Variants in FRMD5 observed in about 807,000 individuals in gnomAD.
FRMD5 encodes the protein FERM domain containing 5.
FRMD5 carries 20 observed loss-of-function variants against 69.0 expected under a neutral mutation model. The ratio of observed to expected loss-of-function variants is 0.29; its 90% CI spans 0.20 to 0.42. The LOEUF (loss-of-function observed/expected upper bound fraction) is 0.42. Among genes scored for constraint, FRMD5 ranks in the 10% least tolerant of loss-of-function variants. FRMD5 has a pLI of 1.00. For synonymous variants in FRMD5, 271 were observed against 260.1 expected, an observed-to-expected ratio of 1.04 and a Z score of -0.40; for missense variants, 595 against 708.6, an observed-to-expected ratio of 0.84 and a Z score of 1.82.
At chr15:43,909,464 C>CTGTT (rs953864351) in intron 5 of FRMD5, among the ~76,000 whole-genome samples, 15 of 151,000 alleles carry the variant, frequency 9.9e-5, no homozygotes, top group Middle Eastern at 6.8e-3. Context: ...AAGTTAGATA[C>CTGTT]TGTTTGTTTG....
At chr15:44,177,069 TGA>T (rs2077911230) in intron 1 of FRMD5, among the ~76,000 whole-genome samples, 1 of 151,808 alleles carries the variant, frequency 6.6e-6, no homozygotes, top group Non-Finnish European at 1.5e-5. Flanking sequence ...CCAAAGGGTT[TGA>T]GCACTGTGGA....
chr15:43,973,030 G>GT (rs34726036), intron 1 of FRMD5, among the ~76,000 whole-genome samples: 95 of 149,458 alleles, frequency 6.4e-4, no homozygotes, highest in Middle Eastern at 3.5e-3. Context: ...TGTTTTTCTT[G>GT]TTTTTTTTTT....
intron 2 of FRMD5, among the ~76,000 whole-genome samples, chr15:43,922,552 C>G (rs1411747261): frequency 6.6e-6 from 1 of 152,182 alleles, no homozygotes; most frequent in Non-Finnish European, 1.5e-5. Flanking sequence ...TTCTCTTACT[C>G]TCCTCAAGCA....
chr15:43,994,420 A>C (rs1177489666), intron 1 of FRMD5, among the ~76,000 whole-genome samples: 5 of 152,122 alleles, frequency 3.3e-5, no homozygotes, highest in Admixed American at 3.3e-4. Flanking sequence ...TTGTGTATTC[A>C]TTAATCAATT....
chr15:44,069,910 G>T (rs1012078503), intron 1 of FRMD5, among the ~76,000 whole-genome samples: 1 of 152,092 alleles, frequency 6.6e-6, no homozygotes, highest in Non-Finnish European at 1.5e-5. Context: ...TCAGGTTAAG[G>T]GGGAGGCAAG....
chr15:43,888,857 C>T lies in FRMD5; in HGVS notation c.744G>A (p.Lys248=). ...AGAAAGTCTTTCCTTCAAATTTCAG[C>T]TTGGTCACCTCATTCCTAGAAGCAC... is the stretch of plus-strand genomic sequence containing the variant. ...VHFIKWNEVT[K]LKFEGKTFYL... is the part of the protein sequence containing the mutation. Residue 248 remains lysine, a synonymous_variant, in exon 9 of 14, where the codon AAG becomes AAA. Transcript: ENST00000417257. The T allele has an allele frequency of 6.2e-7, 1 of 1,614,026 alleles. No homozygotes were observed.
At chr15:43,961,147 A>G (rs1166590602) in intron 1 of FRMD5, among the ~76,000 whole-genome samples, 1 of 152,222 alleles carries the variant, frequency 6.6e-6, no homozygotes, top group Non-Finnish European at 1.5e-5. Flanking sequence ...CAAAATTGAT[A>G]GACTGCTAGC....
Position 43,873,488 on chromosome 15 carries a change from C to T in FRMD5, c.*397G>A. On this transcript the variant is annotated 3_prime_UTR_variant, in exon 14 of 14. Transcript: ENST00000417257. ...CAGAGGACAGCAGCTCTCTAGTTTT[C>T]AACTAGTGTCCCCTCTGCTAGGTGA... 1 of 1,420,562 alleles carries T rather than the reference C, an allele frequency of 7.0e-7. No homozygotes were observed. The highest frequency in any genetic ancestry group is 9.1e-7 in the Non-Finnish European group (1 of 1,098,170). 88.0% of individuals were successfully genotyped at this position (1,420,562 alleles called of 1,614,324 possible).
At chr15:43,887,277 C>G (rs947436864) in intron 10 of FRMD5, among the ~76,000 whole-genome samples, 2 of 152,222 alleles carry the variant, frequency 1.3e-5, no homozygotes, top group Admixed American at 6.5e-5. Flanking sequence ...TTGGGCTGCT[C>G]CTCAGTCCCA....
chr15:44,137,391 T>C (rs1261380559), intron 1 of FRMD5, among the ~76,000 whole-genome samples: 1 of 152,238 alleles, frequency 6.6e-6, no homozygotes, highest in Non-Finnish European at 1.5e-5. Flanking sequence ...TTAGAAACAC[T>C]GTAAACGCCA....
intron 1 of FRMD5, among the ~76,000 whole-genome samples, chr15:44,032,533 G>A (rs1891728155): frequency 6.6e-6 from 1 of 152,058 alleles, no homozygotes; most frequent in Admixed American, 6.5e-5. Flanking sequence ...ATTAAAAAGT[G>A]GGCAAAGGAC....
intron 4 of FRMD5, among the ~76,000 whole-genome samples, chr15:43,911,406 A>G (rs2089285231): frequency 6.6e-6 from 1 of 152,196 alleles, no homozygotes; most frequent in Admixed American, 6.5e-5. Context: ...AGTCCTATAG[A>G]AAGGTCCATG....
chr15:43,911,502 TG>T (rs952978073), intron 4 of FRMD5, among the ~76,000 whole-genome samples: 13 of 152,146 alleles, frequency 8.5e-5, no homozygotes, highest in Non-Finnish European at 1.6e-4. Flanking sequence ...ATCATGGAAA[TG>T]AAGTCCCCAC....
chr15:43,964,746 T>C (rs142496648), intron 1 of FRMD5, among the ~76,000 whole-genome samples: 7 of 152,344 alleles, frequency 4.6e-5, no homozygotes, highest in African/African-American at 1.7e-4. Flanking sequence ...CCTAGTCTTA[T>C]ATTCTCAAGT....
intron 1 of FRMD5, among the ~76,000 whole-genome samples, chr15:43,942,893 G>A (rs985299335): frequency 1.2e-4 from 19 of 152,162 alleles, no homozygotes; most frequent in Admixed American, 1.3e-4. Context: ...CCAAGTAACT[G>A]GGACTTTAGG....
intron 1 of FRMD5, chr15:43,989,493 C>T (rs1020212409): frequency 3.5e-6 from 3 of 866,208 alleles, no homozygotes; most frequent in Non-Finnish European, 4.0e-6. Context: ...GAGCTGGAGG[C>T]CACCATGGCC....
intron 1 of FRMD5, among the ~76,000 whole-genome samples, chr15:44,127,666 G>A (rs534815481): frequency 1.1e-4 from 16 of 152,206 alleles, no homozygotes; most frequent in African/African-American, 3.6e-4. Context: ...TTGAGCTCAG[G>A]AGTTTGAAAT....
At chr15:43,914,367 G>A (rs372819082) in intron 4 of FRMD5, among the ~76,000 whole-genome samples, 7 of 152,130 alleles carry the variant, frequency 4.6e-5, no homozygotes, top group African/African-American at 1.4e-4. Context: ...TGTTTAGTAC[G>A]TCTTCCTCCC....
At chr15:43,919,665 A>G in intron 3 of FRMD5, 102 bp downstream of exon 3, 1 of 1,446,782 alleles carries the variant, frequency 6.9e-7, no homozygotes. Flanking sequence ...TACTCAGAAC[A>G]GTGGGAAATT....
Sources: gnomAD v4.1 joint callset for allele counts (sites outside exome capture counted in the v4.1 genomes callset) on GRCh38, gnomAD v4.1.1 for gene constraint, MANE v1.5 for transcripts, NCBI Gene and HGNC (gene_info 2026-07-23, HGNC 2026-07-21) for gene names.